The following EPM2A variants were observed in gnomAD, a reference collection of about 807,000 sequenced individuals.
EPM2A encodes EPM2A glucan phosphatase, laforin, also known as laforin.
EPM2A carries 21 observed loss-of-function variants against 26.5 expected under a neutral mutation model. That is an observed-to-expected ratio of 0.79 (90% CI 0.56 to 1.14). The LOEUF (loss-of-function observed/expected upper bound fraction) is 1.14. Among genes scored for constraint, EPM2A ranks in the 50% most tolerant of loss-of-function variants. The pLI, the probability that EPM2A is intolerant of heterozygous loss-of-function variation, is 0.00. For missense variants in EPM2A, 458 were observed against 440.8 expected, an observed-to-expected ratio of 1.04 and a Z score of -0.35; for synonymous variants, 217 against 177.6, an observed-to-expected ratio of 1.22 and a Z score of -1.76.
intron 2 of EPM2A, among the ~76,000 whole-genome samples, chr6:145,679,254 T>C (rs1469474188): frequency 7.4e-6 from 1 of 135,834 alleles, no homozygotes; most frequent in Non-Finnish European, 1.5e-5. Context: ...CACTGGGGCC[T>C]GTCAGGGGGT....
chr6:145,535,552 C>A (rs1432718750), intron 2 of EPM2A, among the ~76,000 whole-genome samples: 2 of 152,164 alleles, frequency 1.3e-5, no homozygotes, highest in African/African-American at 4.8e-5. Context: ...TTCCAGAAGA[C>A]CCAGCGAGGA....
intron 4 of EPM2A, among the ~76,000 whole-genome samples, chr6:145,410,989 C>G (rs560123420): frequency 6.6e-6 from 1 of 152,152 alleles, no homozygotes; most frequent in East Asian, 1.9e-4. Flanking sequence ...ACAGTTTCAT[C>G]AGGCAACATG....
rs533486156 is a variant in EPM2A at position 145,716,919 on chromosome 6, A to G, written c.301+18279T>C. ...TTATTCCCATAATTGCAACACAAAAATAAATGAGAAAAGATCCTATTTTTC... is the reference window on the plus strand; with the variant it reads ...TTATTCCCATAATTGCAACACAAAAGTAAATGAGAAAAGATCCTATTTTTC... On this transcript the variant is annotated intron_variant, in intron 1 of 3. Coordinates refer to ENST00000367519, the MANE Select transcript of EPM2A (RefSeq NM_005670.4). Among the ~76,000 whole-genome samples the G allele has an allele frequency of 3.9e-5, 6 of 152,324 alleles. No individual in the cohort carries two copies. The South Asian group carries it at 1.2e-3, about 32-fold the overall frequency.
At chr6:145,676,069 A>G (rs1780015875) in intron 2 of EPM2A, among the ~76,000 whole-genome samples, 2 of 152,338 alleles carry the variant, frequency 1.3e-5, no homozygotes, top group African/African-American at 4.8e-5. Context: ...AAATCACAAC[A>G]AACTGTCTCT....
intron 2 of EPM2A, among the ~76,000 whole-genome samples, chr6:145,506,875 G>A (rs1779982804): frequency 6.6e-6 from 1 of 152,176 alleles, no homozygotes; most frequent in Non-Finnish European, 1.5e-5. Context: ...GTTAAACAAG[G>A]TAAGAGAGAA....
At chr6:145,440,951 G>T (rs540130988) in intron 4 of EPM2A, among the ~76,000 whole-genome samples, 1 of 152,310 alleles carries the variant, frequency 6.6e-6, no homozygotes, top group South Asian at 2.1e-4. Context: ...GGAGGATTGT[G>T]CCCCTCTTCT....
intron 4 of EPM2A, among the ~76,000 whole-genome samples, chr6:145,440,856 T>C (rs981055478): frequency 6.6e-6 from 1 of 152,204 alleles, no homozygotes; most frequent in Non-Finnish European, 1.5e-5. Flanking sequence ...GCCCTTCTGG[T>C]TGCTTTCACG....
chr6:145,724,834 CAT>C (rs544735292), intron 1 of EPM2A, among the ~76,000 whole-genome samples: 21 of 151,946 alleles, frequency 1.4e-4, no homozygotes, highest in Admixed American at 1.3e-3. Context: ...TTATATAAAA[CAT>C]AAAAATTAAC....
At chr6:145,719,474 G>A (rs1775830404) in intron 1 of EPM2A, among the ~76,000 whole-genome samples, 2 of 148,648 alleles carry the variant, frequency 1.3e-5, no homozygotes, top group Non-Finnish European at 1.5e-5. Context: ...GACTGTTGTG[G>A]GGTTGGGGGA....
chr6:145,536,117 C>T (rs910931801), intron 2 of EPM2A, among the ~76,000 whole-genome samples: 1 of 152,162 alleles, frequency 6.6e-6, no homozygotes, highest in African/African-American at 2.4e-5. Flanking sequence ...GGCTTTCCAA[C>T]TTTATTCCTA....
intron 2 of EPM2A, among the ~76,000 whole-genome samples, chr6:145,549,898 T>G (rs1463245986): frequency 6.6e-6 from 1 of 152,006 alleles, no homozygotes; most frequent in Non-Finnish European, 1.5e-5. Flanking sequence ...ACCTCAATAT[T>G]CTCCATCGCC....
chr6:145,450,181 G>A (rs1020777810), intron 4 of EPM2A, among the ~76,000 whole-genome samples: 38 of 151,428 alleles, frequency 2.5e-4, no homozygotes, highest in Admixed American at 1.8e-3. Context: ...GTGAAACCCC[G>A]TCTCTACTAA....
rs937258987 is a variant in EPM2A, at chr6:145,627,185, C to A, written c.*231G>T. On this transcript the variant is annotated 3_prime_UTR_variant, in exon 4 of 4. Coordinates refer to ENST00000367519, the MANE Select transcript of EPM2A (RefSeq NM_005670.4). ...CCCTTCTGTCTGATGTACAGCCTAA[C>A]TGCTTCGTGCTTCTTCTCATGTGTT... 2.8e-6 allele frequency: 4 copies of A among 1,420,636 alleles called. No individual in the cohort carries two copies. Among genetic ancestry groups the A allele is most frequent in the Non-Finnish European group, 3.7e-6 (4 of 1,091,496 alleles). The allele number at this position is 1,420,636 out of a possible 1,614,324, so 88.0% of individuals were successfully genotyped here.
intron 1 of EPM2A, among the ~76,000 whole-genome samples, chr6:145,716,832 C>A (rs942435241): frequency 1.3e-5 from 2 of 152,130 alleles, no homozygotes; most frequent in African/African-American, 2.4e-5. Flanking sequence ...GAGGATAGAG[C>A]CTGAGCACCC....
chr6:145,725,404 T>A (rs1776150892), intron 1 of EPM2A, among the ~76,000 whole-genome samples: 1 of 152,090 alleles, frequency 6.6e-6, no homozygotes, highest in Non-Finnish European at 1.5e-5. Context: ...CTGAGTAGTC[T>A]TATCACATGA....
chr6:145,654,283 G>C (rs1320021261), intron 2 of EPM2A, among the ~76,000 whole-genome samples: 1 of 151,696 alleles, frequency 6.6e-6, no homozygotes, highest in Non-Finnish European at 1.5e-5. Context: ...TCGGGTTCAA[G>C]CAATTCTCCT....
intron 2 of EPM2A, among the ~76,000 whole-genome samples, chr6:145,519,813 C>T (rs997801163): frequency 9.8e-5 from 15 of 152,304 alleles, no homozygotes; most frequent in Non-Finnish European, 1.9e-4. Flanking sequence ...AAAGCCATCT[C>T]ATTCAATCCT....
intron 1 of EPM2A, among the ~76,000 whole-genome samples, chr6:145,719,625 T>TA (rs1554267421): frequency 1.3e-5 from 2 of 152,170 alleles, no homozygotes; most frequent in African/African-American, 4.8e-5. Flanking sequence ...AGTATAATAA[T>TA]AATAAATAAA....
chr6:145,628,890 C>A (rs1438641776), intron 3 of EPM2A: 2 of 152,236 alleles, frequency 1.3e-5, no homozygotes, highest in Admixed American at 6.5e-5. Flanking sequence ...CCTGAAGGAG[C>A]CAACACAACA....
Sources: gnomAD v4.1 joint callset for allele counts (sites outside exome capture counted in the v4.1 genomes callset) on GRCh38, gnomAD v4.1.1 for gene constraint, MANE v1.5 for transcripts, NCBI Gene and HGNC (gene_info 2026-07-23, HGNC 2026-07-21) for gene names.